NUDCD3: variants seen among roughly 807,000 people sequenced by gnomAD.
NUDCD3 encodes nudC domain-containing protein 3.
NUDCD3 carries 13 observed loss-of-function variants against 39.7 expected under a neutral mutation model. The observed-to-expected ratio is 0.33, with a 90% CI of 0.21 to 0.52. The LOEUF (loss-of-function observed/expected upper bound fraction) is 0.52, where lower values mean the gene tolerates loss of function less well. Ranked by LOEUF, NUDCD3 falls within the 20% of genes least tolerant of loss-of-function variation. NUDCD3 has a pLI of 0.96. For missense variants in NUDCD3, 453 were observed against 458.1 expected (o/e 0.99, Z 0.10); for synonymous variants, 175 against 172.4 (o/e 1.02, Z -0.12).
chr7:44,416,813 A>C (rs1799034333), intron 3 of NUDCD3, among the ~76,000 whole-genome samples: 1 of 152,212 alleles, frequency 6.6e-6, no homozygotes, highest in South Asian at 2.1e-4. Context: ...GGTGAGAGAG[A>C]GCACTAGCTC....
At chr7:44,456,041 A>AAAAAAAAAAC (rs1563182574) in intron 2 of NUDCD3, among the ~76,000 whole-genome samples, 3 of 139,044 alleles carry the variant, frequency 2.2e-5, no homozygotes, top group African/African-American at 7.8e-5. Flanking sequence ...AAAAAAAAAA[A>AAAAAAAAAAC]AAAAAAAAAC....
chr7:44,467,766 C>T, intron 2 of NUDCD3: 1 of 653,784 alleles, frequency 1.5e-6, no homozygotes, highest in South Asian at 1.8e-5. Context: ...TTACAACAGC[C>T]CTTTAATTGT....
At chr7:44,486,946 C>T (rs1486153826) in intron 1 of NUDCD3, among the ~76,000 whole-genome samples, 6 of 152,112 alleles carry the variant, frequency 3.9e-5, no homozygotes, top group African/African-American at 1.4e-4. Context: ...AATCTGTAAC[C>T]TCCAATCAAT....
intron 2 of NUDCD3, among the ~76,000 whole-genome samples, chr7:44,461,594 T>C (rs560295739): frequency 6.6e-6 from 1 of 152,182 alleles, no homozygotes; most frequent in East Asian, 1.9e-4. Flanking sequence ...TGGTACAATC[T>C]GACCTATACC....
intron 2 of NUDCD3, among the ~76,000 whole-genome samples, chr7:44,478,453 TAAGGCA>T (rs1264217054): frequency 6.6e-6 from 1 of 152,176 alleles, no homozygotes; most frequent in African/African-American, 2.4e-5. Flanking sequence ...CTTGCAAGGC[TAAGGCA>T]GGAGAATCGC....
intron 2 of NUDCD3, among the ~76,000 whole-genome samples, chr7:44,444,340 C>T (rs1225546502): frequency 6.6e-6 from 1 of 152,162 alleles, no homozygotes; most frequent in African/African-American, 2.4e-5. Flanking sequence ...TCCAGATAAT[C>T]ACAAAGGTTT....
Position 44,403,678 on chromosome 7 carries a change from A to G in NUDCD3, c.786+762T>C, listed in dbSNP as rs79643449. ...TGCCAAGCATGTCTTATAGAAACCA[A>G]AACAGATACCTTTATTGCATACTTT... On this transcript the variant is annotated intron_variant, in intron 4 of 5. Transcript: ENST00000355451. Among the ~76,000 whole-genome samples the G allele has an allele frequency of 7.6e-3, 1,163 of 152,356 alleles. 10 individuals carry two copies. The highest frequency in any genetic ancestry group is 0.01 in the Middle Eastern group (3 of 294).
At chr7:44,476,164 CA>C (rs1800364384) in intron 2 of NUDCD3, among the ~76,000 whole-genome samples, 2 of 152,122 alleles carry the variant, frequency 1.3e-5, no homozygotes, top group Non-Finnish European at 2.9e-5. Context: ...AAAGACGAAA[CA>C]AGGAACCCAA....
chr7:44,402,174 G>A (rs748284231), intron 4 of NUDCD3, among the ~76,000 whole-genome samples: 11 of 152,212 alleles, frequency 7.2e-5, no homozygotes, highest in Non-Finnish European at 1.5e-5. Context: ...CGCTTCGCAA[G>A]CTACTTACCT....
At chr7:44,425,978 TG>T in intron 3 of NUDCD3, 1 of 214,762 alleles carries the variant, frequency 4.7e-6, no homozygotes, top group Non-Finnish European at 8.0e-6. Flanking sequence ...CATCATGACA[TG>T]GTGTGGCTCC....
intron 5 of NUDCD3, among the ~76,000 whole-genome samples, chr7:44,386,543 C>T (rs922190579): frequency 6.6e-6 from 1 of 152,190 alleles, no homozygotes; most frequent in Admixed American, 6.5e-5. Flanking sequence ...AGAGAAAGTG[C>T]TCAAGCCCCA....
chr7:44,425,289 T>A lies in NUDCD3; in HGVS notation c.642+2282A>T, dbSNP rs531350556. The stretch of plus-strand genomic sequence containing the variant: ...CAAACCTGCATGTTCAGCACATGTA[T>A]CCCAGAACTTAAAGTAAAATAAAAA... On this transcript the variant is annotated intron_variant, in intron 3 of 5. Transcript: ENST00000355451. Among the ~76,000 whole-genome samples the A allele has an allele frequency of 5.9e-5, 9 of 152,152 alleles. No individual in the cohort carries two copies. The East Asian group carries it at 1.7e-3, about 29-fold the overall frequency.
intron 3 of NUDCD3, among the ~76,000 whole-genome samples, chr7:44,407,360 G>GT (rs2116877747): frequency 6.6e-6 from 1 of 151,830 alleles, no homozygotes; most frequent in South Asian, 2.1e-4. Context: ...AAGGTTGACA[G>GT]TTCGAGACCA....
intron 4 of NUDCD3, among the ~76,000 whole-genome samples, chr7:44,399,026 G>T (rs988479238): frequency 2.0e-5 from 3 of 152,218 alleles, no homozygotes; most frequent in African/African-American, 7.2e-5. Flanking sequence ...AGGCCAGATA[G>T]GACCCAGCTG....
chr7:44,458,936 C>CTGTGTGTGTGTGTG (rs55947411), intron 2 of NUDCD3, among the ~76,000 whole-genome samples: 1,361 of 115,934 alleles, frequency 0.012, 17 homozygotes, highest in Middle Eastern at 0.024. Flanking sequence ...ACGGGGAGTG[C>CTGTGTGTGTGTGTG]TGTGTGTGTG....
intron 2 of NUDCD3, among the ~76,000 whole-genome samples, chr7:44,448,044 C>G (rs1213386552): frequency 6.6e-6 from 1 of 152,208 alleles, no homozygotes; most frequent in East Asian, 1.9e-4. Context: ...CAGGCCGCCG[C>G]CTGCACCCAC....
At chr7:44,483,551 C>T (rs1204402540) in intron 2 of NUDCD3, among the ~76,000 whole-genome samples, 1 of 152,212 alleles carries the variant, frequency 6.6e-6, no homozygotes, top group Non-Finnish European at 1.5e-5. Flanking sequence ...CACCCCTTCT[C>T]ATCCAGAGCT....
At chr7:44,490,058 T>C (rs995183435) in intron 1 of NUDCD3, 3 of 205,100 alleles carry the variant, frequency 1.5e-5, no homozygotes, top group African/African-American at 4.7e-5. Context: ...TTCTGGGGCA[T>C]GCACGTTTCT....
chr7:44,397,324 T>C (rs1435556200), intron 4 of NUDCD3, among the ~76,000 whole-genome samples: 1 of 152,212 alleles, frequency 6.6e-6, no homozygotes, highest in African/African-American at 2.4e-5. Context: ...AGAGCTGCTG[T>C]AGAGATCTGC....
Sources: gnomAD v4.1 joint callset for allele counts (sites outside exome capture counted in the v4.1 genomes callset) on GRCh38, gnomAD v4.1.1 for gene constraint, MANE v1.5 for transcripts, NCBI Gene and HGNC (gene_info 2026-07-23, HGNC 2026-07-21) for gene names.